Variants in NBEA observed in about 807,000 individuals in gnomAD.
The protein encoded by NBEA is neurobeachin.
A neutral mutation model predicts 343.4 loss-of-function variants in NBEA; 44 were observed. The ratio of observed to expected loss-of-function variants is 0.13; its 90% CI spans 0.10 to 0.16. The LOEUF is 0.16. NBEA is among the 10% of genes least tolerant of loss of function. NBEA has a pLI of 1.00. For synonymous variants in NBEA, 1,175 were observed against 1,238.7 expected (o/e 0.95, Z 1.08); for missense variants, 2,555 against 3,631.3 (o/e 0.70, Z 7.62).
intron 18 of NBEA, among the ~76,000 whole-genome samples, chr13:35,144,242 G>A (rs557750121): frequency 1.3e-5 from 2 of 152,260 alleles, no homozygotes; most frequent in East Asian, 3.9e-4. Context: ...CTACCTTTAT[G>A]AATTTCTTCT....
At chr13:35,424,080 A>G (rs1189839444) in intron 38 of NBEA, among the ~76,000 whole-genome samples, 2 of 152,182 alleles carry the variant, frequency 1.3e-5, no homozygotes, top group Non-Finnish European at 2.9e-5. Context: ...TAGATATACA[A>G]TCATGTCATC....
chr13:35,150,913 T>C (rs1309331437), intron 18 of NBEA, among the ~76,000 whole-genome samples: 1 of 151,006 alleles, frequency 6.6e-6, no homozygotes, highest in Non-Finnish European at 1.5e-5. Flanking sequence ...ATCAGGAGTT[T>C]AAGACCAGCC....
intron 50 of NBEA, among the ~76,000 whole-genome samples, 162 bp from the exon 51 acceptor site, chr13:35,646,097 A>G (rs1455666666): frequency 2.0e-5 from 3 of 152,234 alleles, no homozygotes; most frequent in African/African-American, 7.2e-5. Context: ...TCTACAAAAT[A>G]CTAACACTTG....
At chr13:35,324,861 G>A (rs1376122661) in intron 36 of NBEA, among the ~76,000 whole-genome samples, 1 of 152,098 alleles carries the variant, frequency 6.6e-6, no homozygotes, top group African/African-American at 2.4e-5. Context: ...TAAGCACAAT[G>A]TGTGGAATCC....
intron 48 of NBEA, among the ~76,000 whole-genome samples, chr13:35,626,808 G>A (rs1487889322): frequency 2.0e-5 from 3 of 152,110 alleles, no homozygotes; most frequent in African/African-American, 7.2e-5. Flanking sequence ...ACTCTGAACT[G>A]TTATTTCAAG....
At chr13:35,608,757 A>G (rs931693954) in intron 48 of NBEA, among the ~76,000 whole-genome samples, 1 of 152,214 alleles carries the variant, frequency 6.6e-6, no homozygotes, top group Non-Finnish European at 1.5e-5. Context: ...ATGCTATTGA[A>G]CAGAATTCTC....
Position 34,985,208 on chromosome 13 carries a change from G to A in NBEA, c.294+42094G>A, listed in dbSNP as rs968029469. On this transcript the variant is annotated intron_variant, in intron 1 of 58. Transcript: ENST00000379939. The stretch of plus-strand genomic sequence containing the variant: ...AATAGCTCTTATTATTTTGAGATAC[G>A]TTCCATTAATACCTATTTTATTGAG... Among the ~76,000 whole-genome samples, 5 of 150,840 alleles carry A rather than the reference G, an allele frequency of 3.3e-5. 1 individual carries two copies. Among genetic ancestry groups the A allele is most frequent in the African/African-American group, 4.8e-5 (2 of 41,310 alleles).
intron 41 of NBEA, among the ~76,000 whole-genome samples, chr13:35,527,363 G>C (rs2078028219): frequency 6.6e-6 from 1 of 152,154 alleles, no homozygotes; most frequent in Non-Finnish European, 1.5e-5. Flanking sequence ...TTCCTGGCTT[G>C]AAGGTGGGGT....
intron 1 of NBEA, among the ~76,000 whole-genome samples, chr13:34,997,187 G>T (rs1339598510): frequency 1.3e-5 from 2 of 152,010 alleles, no homozygotes; most frequent in African/African-American, 4.8e-5. Flanking sequence ...TACCTTTATT[G>T]TCAGTGAAGA....
intron 36 of NBEA, among the ~76,000 whole-genome samples, chr13:35,337,007 C>G (rs1423689963): frequency 6.6e-6 from 1 of 151,902 alleles, no homozygotes; most frequent in Admixed American, 6.6e-5. Flanking sequence ...CCCATATACC[C>G]TTGAACCTAA....
intron 1 of NBEA, among the ~76,000 whole-genome samples, chr13:34,978,574 A>G (rs2060256708): frequency 6.6e-6 from 1 of 152,168 alleles, no homozygotes; most frequent in South Asian, 2.1e-4. Context: ...CTAGAACATT[A>G]TAGTCATCCC....
chr13:35,129,720 G>A (rs377232190), intron 17 of NBEA, among the ~76,000 whole-genome samples: 75 of 152,102 alleles, frequency 4.9e-4, no homozygotes, highest in African/African-American at 1.8e-3. Flanking sequence ...AATTACTAAA[G>A]TTTTACAAAA....
intron 56 of NBEA, 51 bp downstream of exon 56, chr13:35,665,237 C>A: frequency 7.1e-7 from 1 of 1,399,558 alleles, no homozygotes; most frequent in Non-Finnish European, 9.9e-7. Flanking sequence ...ACTGTTTTCT[C>A]ACACTAAGCG....
At chr13:34,983,358 C>A (rs1555267012) in intron 1 of NBEA, among the ~76,000 whole-genome samples, 2 of 152,082 alleles carry the variant, frequency 1.3e-5, no homozygotes, top group Non-Finnish European at 2.9e-5. Context: ...TGAACTCATC[C>A]TTTTTTATGG....
At chr13:35,588,253 T>C (rs2081371213) in intron 46 of NBEA, among the ~76,000 whole-genome samples, 1 of 152,246 alleles carries the variant, frequency 6.6e-6, no homozygotes, top group Non-Finnish European at 1.5e-5. Flanking sequence ...AAATATCTTA[T>C]GTCACGTGGT....
chr13:35,472,072 A>C (rs2152958698), intron 40 of NBEA, among the ~76,000 whole-genome samples: 1 of 152,190 alleles, frequency 6.6e-6, no homozygotes, highest in South Asian at 2.1e-4. Flanking sequence ...TACTCAATGG[A>C]GAATTGGGGC....
intron 34 of NBEA, among the ~76,000 whole-genome samples, chr13:35,256,208 C>G (rs1178514643): frequency 6.6e-6 from 1 of 151,970 alleles, no homozygotes; most frequent in Non-Finnish European, 1.5e-5. Context: ...ATGTCCAGCT[C>G]TGATCGGAGA....
chr13:35,369,473 G>A (rs1166893494), intron 38 of NBEA, among the ~76,000 whole-genome samples: 6 of 151,794 alleles, frequency 4.0e-5, no homozygotes, highest in Admixed American at 1.3e-4. Context: ...AGATTGCTTT[G>A]AATAATATGA....
At chr13:35,599,468 G>A (rs2153046964) in intron 47 of NBEA, among the ~76,000 whole-genome samples, 1 of 152,284 alleles carries the variant, frequency 6.6e-6, no homozygotes, top group South Asian at 2.1e-4. Context: ...CACATGTCTT[G>A]TGCCTCATCT....
Sources: allele counts gnomAD v4.1 joint callset (sites outside exome capture counted in the v4.1 genomes callset), GRCh38; gene constraint gnomAD v4.1.1; transcripts MANE v1.5; gene names NCBI Gene and HGNC (gene_info 2026-07-23, HGNC 2026-07-21).